The following WWOX variants were observed in gnomAD, a reference collection of about 807,000 sequenced individuals.
WWOX encodes WW domain-containing oxidoreductase.
A neutral mutation model predicts 46.2 loss-of-function variants in WWOX; 69 were observed. The ratio of observed to expected loss-of-function variants is 1.49; its 90% CI spans 1.23 to 1.82. WWOX has a LOEUF of 1.82. Ranked by LOEUF, WWOX falls within the 40% of genes most tolerant of loss-of-function variation. WWOX has a pLI of 0.00. For synonymous variants in WWOX, 359 were observed against 202.6 expected (o/e 1.77, Z -6.56); for missense variants, 919 against 542.6 (o/e 1.69, Z -6.89).
intron 8 of WWOX, among the ~76,000 whole-genome samples, chr16:78,935,814 A>G (rs2045725255): frequency 6.6e-6 from 1 of 152,072 alleles, no homozygotes; most frequent in African/African-American, 2.4e-5. Context: ...TGGGAGGCTG[A>G]AGTGGGAGGA....
rs868728365 is a variant in WWOX, at chr16:78,354,583, A to G, written c.517-32277A>G. Among the ~76,000 whole-genome samples, 6 of 152,234 alleles carry G rather than the reference A, an allele frequency of 3.9e-5. No individual in the cohort carries two copies. In the East Asian group the frequency reaches 1.2e-3, roughly 29 times the overall value. On this transcript the variant is annotated intron_variant, in intron 5 of 8. Coordinates refer to ENST00000566780, the MANE Select transcript of WWOX (RefSeq NM_016373.4). ...TATGCTTAGAAATATCCAGCAAGCC[A>G]CTTTTAAAGGCTTTTTATCACATTT... is the stretch of plus-strand genomic sequence containing the variant.
intron 5 of WWOX, among the ~76,000 whole-genome samples, chr16:78,191,110 A>G (rs2035869544): frequency 6.6e-6 from 1 of 152,168 alleles, no homozygotes; most frequent in Non-Finnish European, 1.5e-5. Context: ...ACCAGGCAAG[A>G]TGATGCCGCT....
At chr16:78,389,072 C>T (rs764355575) in intron 6 of WWOX, among the ~76,000 whole-genome samples, 54 of 152,088 alleles carry the variant, frequency 3.6e-4, no homozygotes, top group Non-Finnish European at 5.0e-4. Context: ...GTTGCAACAT[C>T]GCCTAAGCGC....
intron 8 of WWOX, among the ~76,000 whole-genome samples, chr16:78,695,408 G>C (rs150027433): frequency 6.6e-6 from 1 of 152,084 alleles, no homozygotes; most frequent in Non-Finnish European, 1.5e-5. Context: ...CCTATTTGCC[G>C]TGTCTCTTTT....
chr16:78,957,347 A>G (rs1406644759), intron 8 of WWOX, among the ~76,000 whole-genome samples: 1 of 152,252 alleles, frequency 6.6e-6, no homozygotes, highest in Non-Finnish European at 1.5e-5. Context: ...AGAAAGAATT[A>G]TATTAGCTTG....
At chr16:78,384,546 T>A (rs750854300) in intron 5 of WWOX, among the ~76,000 whole-genome samples, 2 of 152,186 alleles carry the variant, frequency 1.3e-5, no homozygotes, top group Non-Finnish European at 2.9e-5. Context: ...GCCTTCAATA[T>A]TCTTGGTGGC....
chr16:78,633,747 A>T (rs547649205), intron 8 of WWOX, among the ~76,000 whole-genome samples: 9 of 152,196 alleles, frequency 5.9e-5, no homozygotes, highest in African/African-American at 2.2e-4. Flanking sequence ...TCTCCGACTT[A>T]TGTATGATTC....
At chr16:78,999,512 A>G (rs2047053405) in intron 8 of WWOX, among the ~76,000 whole-genome samples, 1 of 152,206 alleles carries the variant, frequency 6.6e-6, no homozygotes, top group African/African-American at 2.4e-5. Flanking sequence ...TCTTGATGGT[A>G]CAGAAAATGA....
chr16:78,311,137 A>AG (rs2080234926), intron 5 of WWOX, among the ~76,000 whole-genome samples: 1 of 152,190 alleles, frequency 6.6e-6, no homozygotes, highest in Admixed American at 6.5e-5. Flanking sequence ...AGAAAAAGAA[A>AG]GGGGGGCGGT....
intron 8 of WWOX, among the ~76,000 whole-genome samples, chr16:78,959,396 G>A (rs972846222): frequency 1.9e-4 from 29 of 152,208 alleles, no homozygotes; most frequent in African/African-American, 6.8e-4. Flanking sequence ...GGAACTTGAC[G>A]TCCATTAGGG....
intron 4 of WWOX, among the ~76,000 whole-genome samples, chr16:78,149,980 C>T (rs1034121430): frequency 1.3e-5 from 2 of 152,094 alleles, no homozygotes; most frequent in East Asian, 3.9e-4. Flanking sequence ...AGCTTGGTGT[C>T]CTACAATTCA....
At chr16:78,611,997 A>G (rs913185125) in intron 8 of WWOX, among the ~76,000 whole-genome samples, 1 of 152,232 alleles carries the variant, frequency 6.6e-6, no homozygotes, top group Non-Finnish European at 1.5e-5. Flanking sequence ...GGTCAAGAAG[A>G]TTCAATAGGC....
intron 4 of WWOX, among the ~76,000 whole-genome samples, chr16:78,132,395 A>G (rs36041365): frequency 0.14 from 20,860 of 152,224 alleles, 1,679 homozygotes; most frequent in East Asian, 0.23. Flanking sequence ...CAAAATCTAC[A>G]GTAGGTATGG....
intron 1 of WWOX, among the ~76,000 whole-genome samples, 164 bp from the exon 2 acceptor site, chr16:78,108,259 C>T (rs191874655): frequency 1.9e-4 from 29 of 151,160 alleles, no homozygotes; most frequent in Non-Finnish European, 3.4e-4. Flanking sequence ...CAGCAAACCT[C>T]CTAAAGTTGA....
intron 8 of WWOX, among the ~76,000 whole-genome samples, chr16:78,530,740 C>T (rs1423551915): frequency 6.6e-6 from 1 of 152,184 alleles, no homozygotes; most frequent in African/African-American, 2.4e-5. Flanking sequence ...TGCCTCCTGT[C>T]CCTATCATTG....
At chr16:79,028,107 C>A (rs543944766) in intron 8 of WWOX, among the ~76,000 whole-genome samples, 1 of 151,702 alleles carries the variant, frequency 6.6e-6, no homozygotes. Flanking sequence ...CCTGCCACGA[C>A]GCCTGGCTAA....
At chr16:78,611,640 G>T (rs1336587718) in intron 8 of WWOX, among the ~76,000 whole-genome samples, 1 of 152,208 alleles carries the variant, frequency 6.6e-6, no homozygotes, top group Non-Finnish European at 1.5e-5. Flanking sequence ...GTTAGATGCT[G>T]CGTTAGCCAG....
intron 5 of WWOX, among the ~76,000 whole-genome samples, chr16:78,336,035 T>A (rs1349477618): frequency 6.6e-6 from 1 of 151,812 alleles, no homozygotes; most frequent in African/African-American, 2.4e-5. Context: ...GATGTTGCAG[T>A]GAGCCGAGAT....
chr16:78,363,889 C>G (rs9932337), intron 5 of WWOX, among the ~76,000 whole-genome samples: 3,618 of 152,274 alleles, frequency 0.024, 125 homozygotes, highest in African/African-American at 0.076. Context: ...GGAAGCCCAG[C>G]ATGGAGACCC....
Sources: gnomAD v4.1 joint callset for allele counts (sites outside exome capture counted in the v4.1 genomes callset) on GRCh38, gnomAD v4.1.1 for gene constraint, MANE v1.5 for transcripts, NCBI Gene and HGNC (gene_info 2026-07-23, HGNC 2026-07-21) for gene names.